ZDHHC7: variants seen among roughly 807,000 people sequenced by gnomAD.
ZDHHC7 encodes zDHHC palmitoyltransferase 7.
A neutral mutation model predicts 34.1 loss-of-function variants in ZDHHC7; 12 were observed. The ratio of observed to expected loss-of-function variants is 0.35; its 90% CI spans 0.23 to 0.57. ZDHHC7 has a LOEUF of 0.57. Among genes scored for constraint, ZDHHC7 ranks in the 20% least tolerant of loss-of-function variants. The pLI, the probability that ZDHHC7 is intolerant of heterozygous loss-of-function variation, is 0.84. For missense variants in ZDHHC7, 388 were observed against 402.7 expected, an observed-to-expected ratio of 0.96 and a Z score of 0.31; for synonymous variants, 185 against 155.4, an observed-to-expected ratio of 1.19 and a Z score of -1.42.
chr16:85,010,699 A>C (rs1159933581), intron 1 of ZDHHC7, among the ~76,000 whole-genome samples: 1 of 152,206 alleles, frequency 6.6e-6, no homozygotes, highest in African/African-American at 2.4e-5. Flanking sequence ...TGAGTGTGAC[A>C]AAGTTGTAGA....
At chr16:84,999,794 T>C (rs2088391) in intron 1 of ZDHHC7, among the ~76,000 whole-genome samples, 21,103 of 152,112 alleles carry the variant, frequency 0.14, 1,796 homozygotes, top group East Asian at 0.33. Context: ...CACAGGCATA[T>C]GCGTTTGTCA....
intron 1 of ZDHHC7, among the ~76,000 whole-genome samples, chr16:84,997,193 A>G (rs1419960695): frequency 6.6e-6 from 1 of 152,090 alleles, no homozygotes; most frequent in Non-Finnish European, 1.5e-5. Flanking sequence ...CTGTGAAACA[A>G]AAAGAGGAAC....
chr16:85,027,254 T>G, the ZDHHC7 span, among the ~76,000 whole-genome samples: 1 of 152,224 alleles, frequency 6.6e-6, no homozygotes, highest in Non-Finnish European at 1.5e-5. Flanking sequence ...TGAAAAATTT[T>G]TATACCATTT....
At chr16:85,018,409 A>G in the ZDHHC7 span, among the ~76,000 whole-genome samples, 1 of 151,814 alleles carries the variant, frequency 6.6e-6, no homozygotes, top group East Asian at 1.9e-4. Flanking sequence ...ACGGATGTTC[A>G]TTAGGTAAAA....
chr16:85,001,715 C>A (rs2072655575), intron 1 of ZDHHC7, among the ~76,000 whole-genome samples: 1 of 152,166 alleles, frequency 6.6e-6, no homozygotes, highest in African/African-American at 2.4e-5. Context: ...CAGCCACCAG[C>A]ACACCTAATT....
chr16:85,006,476 G>A (rs190830430), intron 1 of ZDHHC7, among the ~76,000 whole-genome samples: 2 of 152,244 alleles, frequency 1.3e-5, no homozygotes, highest in East Asian at 3.9e-4. Flanking sequence ...CACTTTAGGA[G>A]GCTGAGGTGG....
At chr16:85,010,795 T>C (rs1406635030) in intron 1 of ZDHHC7, among the ~76,000 whole-genome samples, 1 of 152,074 alleles carries the variant, frequency 6.6e-6, no homozygotes, top group Admixed American at 6.5e-5. Context: ...CACCCAAAGA[T>C]GACTGACGTG....
In ZDHHC7 at chr16:84,976,100, G is replaced by A. The variant is rs955574484; in HGVS notation, c.*243C>T. ...CTCCACAGAAGCCCCAGCTCTGCAG[G>A]AGGCCACGGCGTTTGGCTTCTTCGT... is the stretch of plus-strand genomic sequence containing the variant. On this transcript the variant is annotated 3_prime_UTR_variant, in exon 8 of 8. Coordinates refer to ENST00000313732, the MANE Select transcript of ZDHHC7 (RefSeq NM_017740.3). The A allele has an allele frequency of 2.8e-5, 15 of 531,826 alleles. No homozygotes were observed. Among genetic ancestry groups the A allele is most frequent in the Non-Finnish European group, 3.9e-5 (12 of 305,348 alleles). 32.9% of individuals were successfully genotyped at this position (531,826 alleles called of 1,614,324 possible).
chr16:85,027,624 G>A, the ZDHHC7 span: 1 of 152,212 alleles, frequency 6.6e-6, no homozygotes, highest in African/African-American at 2.4e-5. Flanking sequence ...GCAGGCCTCG[G>A]GCCCCTCAGG....
In ZDHHC7 at chr16:84,990,557, T is replaced by C; in HGVS notation, c.62A>G (p.Asp21Gly). 1.2e-6 allele frequency: 2 copies of C among 1,614,130 alleles called. No homozygotes were observed. Among genetic ancestry groups the C allele is most frequent in the Non-Finnish European group, 1.7e-6 (2 of 1,180,030 alleles). ...GGAGGACGATGAAGAGTCATAGTTGTCATTTTCAGCCAGGAGAGGATGATG... is the reference window on the plus strand; with the variant it reads ...GGAGGACGATGAAGAGTCATAGTTGCCATTTTCAGCCAGGAGAGGATGATG... Reference protein sequence around the residue: ...VEHHPLLAENDNYDSSSSSSS... With the variant: ...VEHHPLLAENGNYDSSSSSSS... The change falls in exon 3 of 8, where the codon GAC (aspartate) becomes GGC (glycine). Residue 21 changes from aspartate (D) to glycine (G), a missense_variant. Physicochemically the swap from Asp to Gly is moderately conservative, Grantham distance 94. Coordinates refer to ENST00000313732, the MANE Select transcript of ZDHHC7 (RefSeq NM_017740.3).
intron 1 of ZDHHC7, among the ~76,000 whole-genome samples, chr16:85,010,471 T>C (rs1284334736): frequency 6.6e-6 from 1 of 152,164 alleles, no homozygotes; most frequent in Non-Finnish European, 1.5e-5. Flanking sequence ...CCCCTTGGGA[T>C]AGTAACAGTA....
the ZDHHC7 span, among the ~76,000 whole-genome samples, chr16:85,026,420 C>T: frequency 6.6e-6 from 1 of 152,098 alleles, no homozygotes; most frequent in South Asian, 2.1e-4. Context: ...ACCCTGAGTT[C>T]CAGCTTCACA....
the ZDHHC7 span, among the ~76,000 whole-genome samples, chr16:85,022,294 T>C: frequency 6.6e-6 from 1 of 151,688 alleles, no homozygotes; most frequent in African/African-American, 2.4e-5. Context: ...GCCGAGGCGG[T>C]TGGATCACTT....
At chr16:84,991,808 T>C (rs1459421155) in intron 2 of ZDHHC7, among the ~76,000 whole-genome samples, 1 of 152,078 alleles carries the variant, frequency 6.6e-6, no homozygotes, top group Non-Finnish European at 1.5e-5. Flanking sequence ...TTTCCTTCAT[T>C]TATTAATCCA....
At chr16:84,990,974 G>A (rs962822483) in intron 2 of ZDHHC7, among the ~76,000 whole-genome samples, 5 of 150,864 alleles carry the variant, frequency 3.3e-5, no homozygotes, top group Non-Finnish European at 5.9e-5. Flanking sequence ...GAGCTCTGCT[G>A]TATCACTGCT....
chr16:84,980,669 C>T (rs1400048198), intron 4 of ZDHHC7, among the ~76,000 whole-genome samples: 1 of 152,064 alleles, frequency 6.6e-6, no homozygotes, highest in East Asian at 1.9e-4. Context: ...GACTCCATCC[C>T]CCCATCCCCA....
At chr16:84,982,517 T>C (rs1303180138) in intron 3 of ZDHHC7, among the ~76,000 whole-genome samples, 1 of 152,182 alleles carries the variant, frequency 6.6e-6, no homozygotes, top group African/African-American at 2.4e-5. Flanking sequence ...TGCACACCAC[T>C]TCCCTGTAGC....
At chr16:85,005,897 C>G (rs556376875) in intron 1 of ZDHHC7, among the ~76,000 whole-genome samples, 1 of 152,330 alleles carries the variant, frequency 6.6e-6, no homozygotes, top group Non-Finnish European at 1.5e-5. Context: ...CAAAATTCCT[C>G]CATTCCTACA....
chr16:85,006,723 G>C (rs1165302203), intron 1 of ZDHHC7, among the ~76,000 whole-genome samples: 2 of 147,644 alleles, frequency 1.4e-5, no homozygotes, highest in African/African-American at 5.0e-5. Flanking sequence ...CTAGGTGACA[G>C]AATAACACCG....
Sources: allele counts gnomAD v4.1 joint callset (sites outside exome capture counted in the v4.1 genomes callset), GRCh38; gene constraint gnomAD v4.1.1; transcripts MANE v1.5; gene names NCBI Gene and HGNC (gene_info 2026-07-23, HGNC 2026-07-21).